ATL1: variants seen among roughly 807,000 people sequenced by gnomAD.
ATL1 encodes the protein atlastin GTPase 1.
In ATL1, 31 loss-of-function variants were observed where a neutral mutation model predicts 75.5. That is an observed-to-expected ratio of 0.41 (90% confidence interval 0.31 to 0.55). The LOEUF is 0.55. ATL1 is among the 20% of genes least tolerant of loss of function. ATL1 has a pLI of 0.27. For missense variants in ATL1, 405 were observed against 662.6 expected, an observed-to-expected ratio of 0.61 and a Z score of 4.27; for synonymous variants, 226 against 233.3, an observed-to-expected ratio of 0.97 and a Z score of 0.28.
At chr14:50,628,494 A>G in intron 12 of ATL1, 32 bp downstream of exon 12, 2 of 1,603,818 alleles carry the variant, frequency 1.2e-6, no homozygotes, top group Non-Finnish European at 1.7e-6. Flanking sequence ...AACTAAATTC[A>G]GCACACATTT....
intron 6 of ATL1, among the ~76,000 whole-genome samples, chr14:50,608,655 G>A (rs2140222027): frequency 6.6e-6 from 1 of 151,854 alleles, no homozygotes; most frequent in Admixed American, 6.6e-5. Context: ...ATTTTGAATT[G>A]GGAAGATGGC....
intron 6 of ATL1, among the ~76,000 whole-genome samples, chr14:50,604,357 C>T (rs1566728268): frequency 6.6e-6 from 1 of 152,086 alleles, no homozygotes; most frequent in Non-Finnish European, 1.5e-5. Context: ...TATCCCCTCT[C>T]ATTAATTAAA....
At position 50,628,431 on chromosome 14, in the gene ATL1, T is replaced by C. The variant is rs1265964061; in HGVS notation, c.1520T>C (p.Ile507Thr). 6.2e-7 allele frequency: 1 copy of C among 1,614,094 alleles called. No homozygotes were observed. The highest frequency in any genetic ancestry group is 2.2e-5 in the East Asian group (1 of 44,858). The change falls in exon 12 of 14, where the codon ATA (isoleucine) becomes ACA (threonine). Residue 507 changes from isoleucine (I) to threonine (T), a missense_variant. Ile to Thr is a moderately conservative substitution (Grantham distance 89, BLOSUM62 -1). Coordinates refer to ENST00000358385, the MANE Select transcript of ATL1 (RefSeq NM_015915.5). ...GAATACCGAGAGCTGGGAGCTGTAATAGACCAGGTGGCTGCAGCTCTGTGG... is the reference window on the plus strand; with the variant it reads ...GAATACCGAGAGCTGGGAGCTGTAACAGACCAGGTGGCTGCAGCTCTGTGG... ...SGEYRELGAV[I>T]DQVAAALWDQ...
chr14:50,606,102 C>A (rs1465715581), intron 6 of ATL1, among the ~76,000 whole-genome samples: 1 of 151,874 alleles, frequency 6.6e-6, no homozygotes, highest in Non-Finnish European at 1.5e-5. Context: ...GCAAGGAGGG[C>A]AGGTTTCAGA....
intron 1 of ATL1, among the ~76,000 whole-genome samples, chr14:50,533,774 T>C (rs1333059725): frequency 1.3e-5 from 2 of 152,044 alleles, no homozygotes; most frequent in Non-Finnish European, 2.9e-5. Flanking sequence ...TTGTTGATAA[T>C]TGTATAATGT....
intron 1 of ATL1, among the ~76,000 whole-genome samples, chr14:50,541,257 A>G (rs953881767): frequency 6.6e-6 from 1 of 152,172 alleles, no homozygotes; most frequent in African/African-American, 2.4e-5. Context: ...TTTCCTTGAT[A>G]TCCAGTAGAA....
At chr14:50,611,654 C>G (rs1317234627) in intron 6 of ATL1, among the ~76,000 whole-genome samples, 1 of 152,088 alleles carries the variant, frequency 6.6e-6, no homozygotes, top group African/African-American at 2.4e-5. Context: ...AAAGGGCCAA[C>G]AAACATATGA....
At chr14:50,550,684 A>C (rs2038691540) in intron 1 of ATL1, among the ~76,000 whole-genome samples, 2 of 152,250 alleles carry the variant, frequency 1.3e-5, no homozygotes, top group Admixed American at 6.5e-5. Flanking sequence ...AGAAAATCAA[A>C]ATTATATCAA....
intron 13 of ATL1, among the ~76,000 whole-genome samples, chr14:50,630,232 A>G (rs1175554403): frequency 2.0e-5 from 3 of 152,250 alleles, no homozygotes; most frequent in Admixed American, 6.5e-5. Flanking sequence ...ACAAAAACTA[A>G]GAATTGAATA....
intron 6 of ATL1, among the ~76,000 whole-genome samples, chr14:50,598,423 T>C (rs2039241483): frequency 6.6e-6 from 1 of 152,030 alleles, no homozygotes; most frequent in Non-Finnish European, 1.5e-5. Context: ...TGCAATGTCA[T>C]GATCTCGGCT....
intron 1 of ATL1, among the ~76,000 whole-genome samples, chr14:50,578,429 G>A (rs575092270): frequency 5.3e-5 from 8 of 152,130 alleles, no homozygotes; most frequent in Non-Finnish European, 1.0e-4. Flanking sequence ...AACATCCACT[G>A]AAGTGTTTTC....
intron 10 of ATL1, among the ~76,000 whole-genome samples, 193 bp from the exon 11 acceptor site, chr14:50,622,976 GTAAAAATC>G (rs2039482354): frequency 6.6e-6 from 1 of 152,084 alleles, no homozygotes; most frequent in Admixed American, 6.5e-5. Context: ...TGTGTATTGA[GTAAAAATC>G]TGTTTATGCA....
intron 2 of ATL1, 53 bp downstream of exon 2, chr14:50,588,131 C>G: frequency 6.2e-7 from 1 of 1,608,700 alleles, no homozygotes; most frequent in Non-Finnish European, 8.5e-7. Context: ...TCTGTCACTT[C>G]ATGTTTTTAT....
intron 7 of ATL1, among the ~76,000 whole-genome samples, chr14:50,614,160 G>A (rs1294324027): frequency 6.6e-6 from 1 of 152,214 alleles, no homozygotes; most frequent in East Asian, 1.9e-4. Context: ...GTAGACACTT[G>A]TTAATTAAAA....
At position 50,595,697 on chromosome 14, in the gene ATL1, T is replaced by C. The variant is rs183604332; in HGVS notation, c.630+65T>C. The stretch of plus-strand genomic sequence containing the variant: ...TTCCTGAAGACTGTAACCAGGTATA[T>C]TAATTAGGGTCATGTTTCCTTCTCT... On this transcript the variant is annotated intron_variant, in intron 6 of 13. Transcript: ENST00000358385. 3.6e-4 allele frequency: 500 copies of C among 1,400,928 alleles called. 1 individual carries two copies. In the African/African-American group the frequency reaches 5.0e-3, roughly 14 times the overall value. 86.8% of individuals were successfully genotyped at this position (1,400,928 alleles called of 1,614,324 possible). A position where few individuals can be genotyped will look rare whatever the true frequency, so the allele number is the denominator to read the frequency against.
intron 5 of ATL1, 86 bp downstream of exon 5, chr14:50,593,982 A>C: frequency 9.6e-7 from 1 of 1,043,202 alleles, no homozygotes; most frequent in Non-Finnish European, 1.5e-6. Context: ...TCAAAACATA[A>C]TCAGATTCTG....
chr14:50,615,946 G>A (rs1026355035), intron 8 of ATL1, among the ~76,000 whole-genome samples: 1 of 152,122 alleles, frequency 6.6e-6, no homozygotes, highest in African/African-American at 2.4e-5. Context: ...AAGAGCTCAC[G>A]GAGAGAGTTT....
intron 1 of ATL1, among the ~76,000 whole-genome samples, chr14:50,574,935 G>GTCTATA (rs1446555904): frequency 1.2e-4 from 4 of 34,606 alleles, no homozygotes; most frequent in African/African-American, 4.8e-4. Flanking sequence ...GTGTGTGTGT[G>GTCTATA]TGTATATATA....
intron 1 of ATL1, among the ~76,000 whole-genome samples, chr14:50,564,926 A>AC (rs1196698307): frequency 2.6e-5 from 4 of 151,956 alleles, no homozygotes; most frequent in Non-Finnish European, 5.9e-5. Context: ...TTGAAATGAG[A>AC]CCGTCTGTCC....
Sources: allele counts gnomAD v4.1 joint callset (sites outside exome capture counted in the v4.1 genomes callset), GRCh38; gene constraint gnomAD v4.1.1; transcripts MANE v1.5; gene names NCBI Gene and HGNC (gene_info 2026-07-23, HGNC 2026-07-21).